Variants in TBC1D9B observed in about 807,000 individuals in gnomAD.
TBC1D9B encodes TBC1 domain family, member 9B (with GRAM domain).
In TBC1D9B, 87 loss-of-function variants were observed where a neutral mutation model predicts 121.1. The observed-to-expected ratio is 0.72, with a 90% CI of 0.60 to 0.86. TBC1D9B has a LOEUF of 0.86. Ranked by LOEUF, TBC1D9B falls within the 40% of genes least tolerant of loss-of-function variation. The pLI is 0.00. For missense variants in TBC1D9B, 1,540 were observed against 1,628.6 expected (o/e 0.95, Z 0.94); for synonymous variants, 668 against 670.1 (o/e 1.00, Z 0.05).
intron 2 of TBC1D9B, among the ~76,000 whole-genome samples, chr5:179,901,724 C>T (rs1761171471): frequency 6.6e-6 from 1 of 152,178 alleles, no homozygotes; most frequent in African/African-American, 2.4e-5. Context: ...GCTGTGATTG[C>T]ACCACGGCAC....
In TBC1D9B at chr5:179,879,195, G is replaced by T; in HGVS notation, c.1419C>A (p.Ala473=). 1 of 1,599,954 alleles carries T rather than the reference G, an allele frequency of 6.3e-7. No homozygotes were observed. ...SPMEDLGAKG[A]KEKMKEESWH... is the part of the protein sequence containing the mutation. ...ATGACTCCTCTTTCATCTTCTCCTT[G>T]GCCTGAGGGAAAAGCGCATCAGGGA... The change falls in exon 9 of 21, where the codon GCC becomes GCA. Residue 473 remains alanine, a splice_region_variant and synonymous_variant. Coordinates refer to ENST00000355235, the MANE Select transcript of TBC1D9B (RefSeq NM_015043.4).
rs1354177082 is a variant in TBC1D9B at position 179,888,240 on chromosome 5, T to C, written c.1117A>G (p.Met373Val). The change falls in exon 7 of 21, where the codon ATG (methionine) becomes GTG (valine). Residue 373 changes from methionine (M) to valine (V), a missense_variant. Transcript: ENST00000355235. ...TTCAGGTTGGCAAACAGGAATGTCATTTTGCTTTTGGTGCTGATGGACAGG... is the reference window on the plus strand; with the variant it reads ...TTCAGGTTGGCAAACAGGAATGTCACTTTGCTTTTGGTGCTGATGGACAGG... ...SPLSISTKSK[M>V]TFLFANLKDR... The C allele has an allele frequency of 1.9e-6, 3 of 1,611,456 alleles. No homozygotes were observed. Among genetic ancestry groups the C allele is most frequent in the Non-Finnish European group, 2.5e-6 (3 of 1,179,196 alleles).
rs542994091 is a variant in TBC1D9B, at chr5:179,865,715, G to A, written c.2914+123C>T. The A allele has an allele frequency of 4.0e-5, 45 of 1,123,238 alleles. No individual in the cohort carries two copies. In the African/African-American group the frequency reaches 5.2e-4, roughly 13 times the overall value. The allele number at this position is 1,123,238 out of a possible 1,614,324, so 69.6% of individuals were successfully genotyped here. On this transcript the variant is annotated intron_variant, in intron 19 of 20. Transcript: ENST00000355235. This position sits in a 1 kb window ranked among gnomAD's most constrained non-coding sequence, Gnocchi z 5.1. ...GCATCCCGAGGCCTGCTCCCTGATC[G>A]GGGGACGCATCCGCCATCTCCCGGG...
chr5:179,873,528 C>G (rs1285043833), intron 12 of TBC1D9B, among the ~76,000 whole-genome samples: 1 of 152,216 alleles, frequency 6.6e-6, no homozygotes, highest in Non-Finnish European at 1.5e-5. Flanking sequence ...TGGGCAGGAA[C>G]GCCTTATAAC....
intron 16 of TBC1D9B, 31 bp downstream of exon 16, chr5:179,870,224 C>G (rs1359263000): frequency 5.6e-6 from 9 of 1,611,262 alleles, no homozygotes; most frequent in Non-Finnish European, 7.6e-6. Flanking sequence ...GAGGGAGGGT[C>G]AAGCCCCTGG....
Position 179,891,342 on chromosome 5 carries a change from T to G in TBC1D9B, c.1044+37A>C. 6.2e-7 allele frequency: 1 copy of G among 1,612,468 alleles called. No homozygotes were observed. The highest frequency in any genetic ancestry group is 8.5e-7 in the Non-Finnish European group (1 of 1,178,718). ...CCTGAGCCCACTGACACCTCGGGGC[T>G]GGAAAGGCCTTGGCCTCTCAACTAG... is the stretch of plus-strand genomic sequence containing the variant. On this transcript the variant is annotated intron_variant, in intron 6 of 20. Coordinates refer to ENST00000355235, the MANE Select transcript of TBC1D9B (RefSeq NM_015043.4). This position sits in a 1 kb window ranked among gnomAD's most constrained non-coding sequence, Gnocchi z 4.3.
chr5:179,884,577 T>C (rs944687779), intron 7 of TBC1D9B: 3 of 152,236 alleles, frequency 2.0e-5, no homozygotes, highest in Non-Finnish European at 2.9e-5. Flanking sequence ...TACACCCATG[T>C]TCACAGCAGT....
At chr5:179,869,378 T>C (rs1760116748) in intron 17 of TBC1D9B, 4 of 372,448 alleles carry the variant, frequency 1.1e-5, no homozygotes, top group South Asian at 2.0e-5. Context: ...CTCATGGCCA[T>C]GTGACAGGAT....
chr5:179,870,704 GAC>G (rs1760167511), intron 15 of TBC1D9B: 1 of 753,214 alleles, frequency 1.3e-6, no homozygotes, highest in South Asian at 2.0e-5. Flanking sequence ...TTGGCTGAGA[GAC>G]AGAGTCCTTG....
At position 179,875,815 on chromosome 5, in the gene TBC1D9B, G is replaced by C; in HGVS notation, c.1900+105C>G. On this transcript the variant is annotated intron_variant, in intron 11 of 20. Coordinates refer to ENST00000355235, the MANE Select transcript of TBC1D9B (RefSeq NM_015043.4). This position sits in a 1 kb window ranked among gnomAD's most constrained non-coding sequence, Gnocchi z 4.5. ...GTGTAATACTACCCTCTAACTCCTA[G>C]GGAACCCACGTGAAGCCTGGAGCTT... 5 of 866,666 alleles carry C rather than the reference G, an allele frequency of 5.8e-6. No individual in the cohort carries two copies. In the South Asian group the frequency reaches 9.8e-5, roughly 17 times the overall value. 53.7% of individuals were successfully genotyped at this position (866,666 alleles called of 1,614,324 possible).
intron 3 of TBC1D9B, among the ~76,000 whole-genome samples, chr5:179,898,153 T>G (rs1395440036): frequency 6.9e-5 from 2 of 29,020 alleles, no homozygotes; most frequent in Non-Finnish European, 4.7e-5. Flanking sequence ...CCATCTCTAC[T>G]TTTTTTTTTT....
chr5:179,878,412 G>A lies in TBC1D9B; in HGVS notation c.1679C>T (p.Ser560Phe). Residue 560 changes from serine (S) to phenylalanine (F), a missense_variant, in exon 10 of 21, where the codon TCC becomes TTC. Transcript: ENST00000355235. ...TEEIERDLHR[S>F]MPEHPAFQNE... is the part of the protein sequence containing the mutation. ...CTGGAAGGCAGGGTGCTCGGGCATGGAGCGGTGCAGGTCTCGCTCGATCTC... is the reference window on the plus strand; with the variant it reads ...CTGGAAGGCAGGGTGCTCGGGCATGAAGCGGTGCAGGTCTCGCTCGATCTC... 6.2e-7 allele frequency: 1 copy of A among 1,613,712 alleles called. No homozygotes were observed. The highest frequency in any genetic ancestry group is 8.5e-7 in the Non-Finnish European group (1 of 1,179,886).
chr5:179,879,491 G>C (rs1271969147), intron 8 of TBC1D9B, 137 bp downstream of exon 8: 2 of 1,358,260 alleles, frequency 1.5e-6, no homozygotes, highest in East Asian at 4.6e-5. Context: ...CACGCTGCCA[G>C]GGTGCAGCCT....
At chr5:179,873,561 G>T (rs543181214) in intron 12 of TBC1D9B, among the ~76,000 whole-genome samples, 2 of 152,350 alleles carry the variant, frequency 1.3e-5, no homozygotes, top group Non-Finnish European at 2.9e-5. Flanking sequence ...CCAGTTGGAA[G>T]GATGACGAGC....
In TBC1D9B at chr5:179,891,120, AG is replaced by A. The variant is rs1305316629; in HGVS notation, c.1044+258del. 6.6e-6 allele frequency among the ~76,000 whole-genome samples: 1 copy of A among 152,214 alleles called. No homozygotes were observed. Among genetic ancestry groups the A allele is most frequent in the Non-Finnish European group, 1.5e-5 (1 of 68,018 alleles). On this transcript the variant is annotated intron_variant, in intron 6 of 20. Coordinates refer to ENST00000355235, the MANE Select transcript of TBC1D9B (RefSeq NM_015043.4). This position sits in a 1 kb window ranked among gnomAD's most constrained non-coding sequence, Gnocchi z 4.3. ...ACGCGTGGGAGACCCTGTCTCCACT[AG>A]GCAAGTGACCTGAGAGGGCAAGCAG... is the stretch of plus-strand genomic sequence containing the variant.
At chr5:179,880,330 C>T (rs1341497564) in intron 7 of TBC1D9B, among the ~76,000 whole-genome samples, 1 of 152,238 alleles carries the variant, frequency 6.6e-6, no homozygotes. Context: ...TGGTGCCACA[C>T]CGGCCTGAGA....
At position 179,881,889 on chromosome 5, in the gene TBC1D9B, A is replaced by T. The variant is rs181956620; in HGVS notation, c.1255-2100T>A. 2.0e-5 allele frequency among the ~76,000 whole-genome samples: 3 copies of T among 151,762 alleles called. No individual in the cohort carries two copies. In the East Asian group the frequency reaches 5.8e-4, roughly 29 times the overall value. ...ATCTGATCAAAAGGATATATTTTTA[A>T]TTAATAAGGCAATCAGTGAGCTTAT... is the stretch of plus-strand genomic sequence containing the variant. On this transcript the variant is annotated intron_variant, in intron 7 of 20. Coordinates refer to ENST00000355235, the MANE Select transcript of TBC1D9B (RefSeq NM_015043.4).
chr5:179,907,888 A>T lies in TBC1D9B; in HGVS notation c.-67T>A, dbSNP rs1198275423. 1.1e-6 allele frequency: 1 copy of T among 914,196 alleles called. No homozygotes were observed. Among genetic ancestry groups the T allele is most frequent in the Non-Finnish European group, 1.3e-6 (1 of 768,850 alleles). The allele number at this position is 914,196 out of a possible 1,614,324, so 56.6% of individuals were successfully genotyped here. Reference sequence around the variant, plus strand: ...GCGCCCGCCGCCGTCGGCGTCCCGGAGCGGAGCGTGCGGAGCGGAGCGTGC... The same window carrying T: ...GCGCCCGCCGCCGTCGGCGTCCCGGTGCGGAGCGTGCGGAGCGGAGCGTGC... On this transcript the variant is annotated 5_prime_UTR_variant, in exon 1 of 21. Coordinates refer to ENST00000355235, the MANE Select transcript of TBC1D9B (RefSeq NM_015043.4). The surrounding 1 kb of genome is among the most constrained non-coding windows in gnomAD (Gnocchi z 5.3).
At chr5:179,873,309 C>T (rs1424921652) in intron 12 of TBC1D9B, 61 bp from the exon 13 acceptor site, 2 of 1,500,618 alleles carry the variant, frequency 1.3e-6, no homozygotes, top group Non-Finnish European at 1.8e-6. Flanking sequence ...CTCCTTCCCA[C>T]AGCTGGGTGA....
Sources: gnomAD v4.1 joint callset for allele counts (sites outside exome capture counted in the v4.1 genomes callset) on GRCh38, gnomAD v4.1.1 for gene constraint, Gnocchi (gnomAD v3.1) non-coding constraint, MANE v1.5 for transcripts, NCBI Gene and HGNC (gene_info 2026-07-23, HGNC 2026-07-21) for gene names.